The following SSBP3 variants were observed in gnomAD, a reference collection of about 807,000 sequenced individuals.
SSBP3 encodes single stranded DNA binding protein 3.
SSBP3 carries 5 observed loss-of-function variants against 69.6 expected under a neutral mutation model. The ratio of observed to expected loss-of-function variants is 0.07; its 90% CI spans 0.04 to 0.15. The LOEUF (loss-of-function observed/expected upper bound fraction) is 0.15, where lower values mean the gene tolerates loss of function less well. Ranked by LOEUF, SSBP3 falls within the 10% of genes least tolerant of loss-of-function variation. The probability of loss-of-function intolerance (pLI) is 1.00; values close to 1 mark genes in which losing one functional copy is unlikely to be tolerated. For synonymous variants in SSBP3, 196 were observed against 193.4 expected (o/e 1.01, Z -0.11); for missense variants, 312 against 534.0 (o/e 0.58, Z 4.10).
intron 5 of SSBP3, among the ~76,000 whole-genome samples, chr1:54,274,863 C>T (rs910755518): frequency 6.6e-6 from 1 of 152,104 alleles, no homozygotes; most frequent in African/African-American, 2.4e-5. Flanking sequence ...GCAGTCCAGG[C>T]CCCTGCCACC....
At chr1:54,235,124 G>A (rs1644464373) in intron 14 of SSBP3, among the ~76,000 whole-genome samples, 3 of 152,086 alleles carry the variant, frequency 2.0e-5, no homozygotes, top group African/African-American at 7.2e-5. Flanking sequence ...ATAAGCACAG[G>A]TTTTGGGACT....
intron 4 of SSBP3, among the ~76,000 whole-genome samples, chr1:54,362,811 C>A (rs1449825269): frequency 6.6e-6 from 1 of 152,150 alleles, no homozygotes; most frequent in Admixed American, 6.5e-5. Flanking sequence ...GGGGATTAGT[C>A]CTGCTTTCAG....
intron 4 of SSBP3, among the ~76,000 whole-genome samples, chr1:54,365,406 C>A (rs1396680330): frequency 6.6e-6 from 1 of 152,144 alleles, no homozygotes. Context: ...TTAAGACTTT[C>A]TTAAATTAAT....
intron 4 of SSBP3, among the ~76,000 whole-genome samples, chr1:54,349,770 G>T (rs1646752491): frequency 6.6e-6 from 1 of 150,826 alleles, no homozygotes; most frequent in Non-Finnish European, 1.5e-5. Flanking sequence ...TTCAAGAAAT[G>T]CCTCCCGCTT....
upstream of SSBP3, among the ~76,000 whole-genome samples, chr1:54,409,367 T>C (rs145502833): frequency 2.4e-4 from 37 of 152,302 alleles, no homozygotes; most frequent in African/African-American, 8.7e-4. Context: ...TTGTAGCCAC[T>C]TGTTTACTGT....
At chr1:54,392,230 T>G (rs1394645882) in intron 4 of SSBP3, among the ~76,000 whole-genome samples, 1 of 152,096 alleles carries the variant, frequency 6.6e-6, no homozygotes, top group Admixed American at 6.5e-5. Flanking sequence ...GGGGAAACAA[T>G]TTCCCGAGAA....
intron 9 of SSBP3, among the ~76,000 whole-genome samples, chr1:54,244,763 T>C (rs1477705010): frequency 6.6e-6 from 1 of 152,170 alleles, no homozygotes; most frequent in Non-Finnish European, 1.5e-5. Flanking sequence ...TGCTCCCTGC[T>C]TGGCAGGCTC....
At chr1:54,352,745 G>A (rs1333340319) in intron 4 of SSBP3, among the ~76,000 whole-genome samples, 5 of 152,282 alleles carry the variant, frequency 3.3e-5, no homozygotes, top group Middle Eastern at 3.4e-3. Context: ...TAACAGAAAC[G>A]TGCAGACAAC....
At chr1:54,396,719 A>G (rs951616110) in intron 4 of SSBP3, among the ~76,000 whole-genome samples, 5 of 152,240 alleles carry the variant, frequency 3.3e-5, no homozygotes, top group African/African-American at 1.2e-4. Flanking sequence ...CAAAGATGGC[A>G]TTATGCGAAA....
chr1:54,344,138 T>G (rs1224591011), intron 4 of SSBP3, among the ~76,000 whole-genome samples: 1 of 152,078 alleles, frequency 6.6e-6, no homozygotes, highest in African/African-American at 2.4e-5. Context: ...ATTACCCTAC[T>G]GGACTTGAGC....
At chr1:54,240,146 C>G (rs1392083451) in intron 13 of SSBP3, among the ~76,000 whole-genome samples, 1 of 148,914 alleles carries the variant, frequency 6.7e-6, no homozygotes, top group African/African-American at 2.5e-5. Context: ...TATGTGCACG[C>G]ATGCCCTCTT....
At chr1:54,337,289 T>A (rs1440483343) in intron 4 of SSBP3, among the ~76,000 whole-genome samples, 1 of 152,092 alleles carries the variant, frequency 6.6e-6, no homozygotes, top group Non-Finnish European at 1.5e-5. Flanking sequence ...GCACAGTGCA[T>A]GAGCCAGGCC....
intron 5 of SSBP3, among the ~76,000 whole-genome samples, chr1:54,271,005 G>C (rs1374244474): frequency 2.0e-5 from 3 of 152,220 alleles, no homozygotes; most frequent in Non-Finnish European, 2.9e-5. Context: ...CAGATGAGCT[G>C]ACTGGCACGC....
chr1:54,243,321 A>C, intron 9 of SSBP3, 22 bp from the exon 10 acceptor site: 1 of 1,614,124 alleles, frequency 6.2e-7, no homozygotes, highest in Non-Finnish European at 8.5e-7. Flanking sequence ...ACCAAGGGTC[A>C]GTCTATGAGA....
At chr1:54,287,702 A>G (rs190804359) in intron 4 of SSBP3, among the ~76,000 whole-genome samples, 30 of 152,246 alleles carry the variant, frequency 2.0e-4, no homozygotes, top group Admixed American at 1.7e-3. Flanking sequence ...ACAACAAACT[A>G]AAGATATAAA....
intron 4 of SSBP3, among the ~76,000 whole-genome samples, chr1:54,300,516 T>G (rs543383530): frequency 6.6e-6 from 1 of 152,256 alleles, no homozygotes; most frequent in South Asian, 2.1e-4. Flanking sequence ...AAATGGCCAA[T>G]GACAAACCAG....
intron 4 of SSBP3, among the ~76,000 whole-genome samples, chr1:54,379,890 CG>C (rs1415818092): frequency 1.3e-5 from 2 of 152,244 alleles, no homozygotes; most frequent in Non-Finnish European, 2.9e-5. Context: ...TCCCACCCGC[CG>C]TTCTAAAACA....
At chr1:54,404,808 TGGGGG>T (rs147574789) in intron 2 of SSBP3, 45 bp downstream of exon 2, 17 of 632,476 alleles carry the variant, frequency 2.7e-5, no homozygotes, top group African/African-American at 2.5e-4. Flanking sequence ...CTAAGAATAG[TGGGGG>T]GGGGGGGTGT....
chr1:54,296,310 C>A (rs2100976673), intron 4 of SSBP3, among the ~76,000 whole-genome samples: 1 of 152,324 alleles, frequency 6.6e-6, no homozygotes, highest in East Asian at 1.9e-4. Context: ...CCGTTCCTAG[C>A]CTGAAACTTG....
Sources: allele counts gnomAD v4.1 joint callset (sites outside exome capture counted in the v4.1 genomes callset), GRCh38; gene constraint gnomAD v4.1.1; transcripts MANE v1.5; gene names NCBI Gene and HGNC (gene_info 2026-07-23, HGNC 2026-07-21).